The following RNF220 variants were observed in gnomAD, a reference collection of about 807,000 sequenced individuals.
The protein encoded by RNF220 is ring finger protein 220, also known as E3 ubiquitin-protein ligase RNF220.
In RNF220, 7 loss-of-function variants were observed where a neutral mutation model predicts 67.1. The observed-to-expected ratio is 0.10, with a 90% CI of 0.06 to 0.20. The LOEUF is 0.20. Ranked by LOEUF, RNF220 falls within the 10% of genes least tolerant of loss-of-function variation. RNF220 has a pLI of 1.00. For synonymous variants in RNF220, 270 were observed against 283.2 expected (o/e 0.95, Z 0.47); for missense variants, 565 against 740.3 (o/e 0.76, Z 2.75).
At position 44,564,393 on chromosome 1, in the gene RNF220, T is replaced by A. The variant is rs549546135; in HGVS notation, c.626-49772T>A. ...CCCAGAGATTCTGATATAATTGATC[T>A]CAGCATGGCCCAGGAATCAGCATTT... On this transcript the variant is annotated intron_variant, in intron 2 of 14. Coordinates refer to ENST00000361799, the MANE Select transcript of RNF220 (RefSeq NM_018150.4). Among the ~76,000 whole-genome samples, 10 of 152,244 alleles carry A rather than the reference T, an allele frequency of 6.6e-5. No individual in the cohort carries two copies. The East Asian group carries it at 1.5e-3, about 24-fold the overall frequency.
At chr1:44,632,315 C>G in intron 5 of RNF220, 28 bp from the exon 6 acceptor site, 4 of 1,614,082 alleles carry the variant, frequency 2.5e-6, no homozygotes, top group Non-Finnish European at 3.4e-6. Flanking sequence ...CTTTTCTTTT[C>G]TTGCATCTGC....
At chr1:44,488,227 C>T (rs1374509368) in intron 2 of RNF220, among the ~76,000 whole-genome samples, 2 of 151,872 alleles carry the variant, frequency 1.3e-5, no homozygotes, top group African/African-American at 4.8e-5. Flanking sequence ...CCTTCGCCTC[C>T]TGGGTTCAAG....
chr1:44,589,606 T>C (rs993117284), intron 2 of RNF220, among the ~76,000 whole-genome samples: 1 of 113,254 alleles, frequency 8.8e-6, no homozygotes, highest in African/African-American at 3.3e-5. Flanking sequence ...AGAGCGAGAC[T>C]GCATCTCAAA....
chr1:44,492,810 G>A (rs1656968421), intron 2 of RNF220, among the ~76,000 whole-genome samples: 1 of 152,088 alleles, frequency 6.6e-6, no homozygotes, highest in African/African-American at 2.4e-5. Flanking sequence ...TTTCAGGGGT[G>A]ATGAAAATGC....
chr1:44,470,549 A>G (rs1654713377), intron 2 of RNF220, among the ~76,000 whole-genome samples: 1 of 152,094 alleles, frequency 6.6e-6, no homozygotes, highest in African/African-American at 2.4e-5. Context: ...CGCTTCTGTC[A>G]TTGTCTGTTC....
intron 8 of RNF220, 36 bp downstream of exon 8, chr1:44,636,198 G>A (rs1644323327): frequency 1.9e-6 from 3 of 1,574,888 alleles, no homozygotes; most frequent in Middle Eastern, 1.7e-4. Context: ...TGGCACTCTG[G>A]TGCCAGGCCT....
Position 44,595,259 on chromosome 1 carries a change from G to A in RNF220, c.626-18906G>A, listed in dbSNP as rs1052585536. On this transcript the variant is annotated intron_variant, in intron 2 of 14. Coordinates refer to ENST00000361799, the MANE Select transcript of RNF220 (RefSeq NM_018150.4). ...GAGGCCAAAGGGCACCCAACACCTC[G>A]GCCGGCTCCGGGGCCCCTGCCTAAC... Among the ~76,000 whole-genome samples, 3 of 152,314 alleles carry A rather than the reference G, an allele frequency of 2.0e-5. No homozygotes were observed. In the South Asian group the frequency reaches 6.2e-4, roughly 32 times the overall value.
chr1:44,506,141 G>A (rs1658396417), intron 2 of RNF220, among the ~76,000 whole-genome samples: 1 of 152,256 alleles, frequency 6.6e-6, no homozygotes, highest in Admixed American at 6.5e-5. Flanking sequence ...AGGCACTCTA[G>A]CCCAGAAGTT....
intron 2 of RNF220, among the ~76,000 whole-genome samples, chr1:44,527,869 C>T (rs12736040): frequency 0.19 from 24,569 of 132,164 alleles, 2,328 homozygotes; most frequent in Middle Eastern, 0.3. Context: ...AAGATTGCAG[C>T]GAGCCGAGAT....
At chr1:44,516,582 A>T (rs1659466533) in intron 2 of RNF220, among the ~76,000 whole-genome samples, 1 of 152,096 alleles carries the variant, frequency 6.6e-6, no homozygotes, top group Non-Finnish European at 1.5e-5. Flanking sequence ...GTGTATAAGG[A>T]TAGTGAGAAA....
chr1:44,439,002 A>G lies in RNF220; in HGVS notation c.625+26280A>G, dbSNP rs1010170915. Among the ~76,000 whole-genome samples the G allele has an allele frequency of 4.8e-4, 73 of 152,306 alleles. 1 individual carries two copies. Among genetic ancestry groups the G allele is most frequent in the Non-Finnish European group, 5.0e-4 (34 of 68,030 alleles). ...GGATGCATTACATTTTATTTAACCAATCTCTGGTTGTCTAATTAGGATGTT... is the reference window on the plus strand; with the variant it reads ...GGATGCATTACATTTTATTTAACCAGTCTCTGGTTGTCTAATTAGGATGTT... On this transcript the variant is annotated intron_variant, in intron 2 of 14. Coordinates refer to ENST00000361799, the MANE Select transcript of RNF220 (RefSeq NM_018150.4).
intron 2 of RNF220, among the ~76,000 whole-genome samples, chr1:44,518,872 C>T (rs532634882): frequency 4.8e-5 from 7 of 146,326 alleles, no homozygotes; most frequent in Admixed American, 4.8e-4. Context: ...AAGACTCCGT[C>T]TAAAAAACAA....
intron 2 of RNF220, among the ~76,000 whole-genome samples, chr1:44,440,207 G>A (rs757298477): frequency 1.2e-4 from 18 of 152,160 alleles, no homozygotes; most frequent in Admixed American, 2.0e-4. Flanking sequence ...ACAGCTCAAA[G>A]GCTGACTACC....
chr1:44,498,875 C>A (rs1170035372), intron 2 of RNF220, among the ~76,000 whole-genome samples: 1 of 152,192 alleles, frequency 6.6e-6, no homozygotes, highest in African/African-American at 2.4e-5. Flanking sequence ...TTTTCAATAT[C>A]CTGCTCATTT....
chr1:44,505,231 A>G (rs1658308210), intron 2 of RNF220, among the ~76,000 whole-genome samples: 1 of 152,216 alleles, frequency 6.6e-6, no homozygotes, highest in Non-Finnish European at 1.5e-5. Context: ...ACCACACTGT[A>G]TCAGGAGAGA....
chr1:44,494,130 C>G lies in RNF220; in HGVS notation c.625+81408C>G, dbSNP rs562920148. 4.0e-5 allele frequency among the ~76,000 whole-genome samples: 6 copies of G among 148,242 alleles called. No homozygotes were observed. The East Asian group carries it at 1.2e-3, about 30-fold the overall frequency. ...CTGAGGCAGGAGAATCGCTTGAACT[C>G]AGGAGGCGGAGGTTGCAGTGAGCCA... On this transcript the variant is annotated intron_variant, in intron 2 of 14. Coordinates refer to ENST00000361799, the MANE Select transcript of RNF220 (RefSeq NM_018150.4).
rs1347670431 is a variant in RNF220 at position 44,645,402 on chromosome 1, C to G, written c.1367-8C>G. On this transcript the variant is annotated splice_region_variant and splice_polypyrimidine_tract_variant and intron_variant, in intron 11 of 14. Coordinates refer to ENST00000361799, the MANE Select transcript of RNF220 (RefSeq NM_018150.4). This position sits in a 1 kb window ranked among gnomAD's most constrained non-coding sequence, Gnocchi z 5.0. ...GCCGGAGTGTGAGTTGCCCCTCTGT[C>G]CCAGCAGAGATGCCATCCACCAGCA... The G allele has an allele frequency of 1.9e-6, 3 of 1,613,932 alleles. No individual in the cohort carries two copies. Among genetic ancestry groups the G allele is most frequent in the Non-Finnish European group, 2.5e-6 (3 of 1,179,990 alleles).
chr1:44,623,727 A>G (rs989983486), intron 4 of RNF220, among the ~76,000 whole-genome samples: 4 of 152,210 alleles, frequency 2.6e-5, no homozygotes, highest in African/African-American at 9.6e-5. Context: ...GGACTCCTGC[A>G]CTTGGTGTCA....
intron 2 of RNF220, among the ~76,000 whole-genome samples, chr1:44,425,192 G>T (rs1649634094): frequency 6.6e-6 from 1 of 152,308 alleles, no homozygotes; most frequent in East Asian, 1.9e-4. Context: ...TTGGGTACCT[G>T]CACAGTAGGG....
Sources: allele counts gnomAD v4.1 joint callset (sites outside exome capture counted in the v4.1 genomes callset), GRCh38; gene constraint gnomAD v4.1.1; non-coding constraint Gnocchi (gnomAD v3.1); transcripts MANE v1.5; gene names NCBI Gene and HGNC (gene_info 2026-07-23, HGNC 2026-07-21).